The following LARP4B variants were observed in gnomAD, a reference collection of about 807,000 sequenced individuals.
LARP4B encodes la-related protein 4B.
Under a neutral mutation model 89.8 loss-of-function variants are expected in LARP4B, and 12 were observed. The observed-to-expected ratio is 0.13, with a 90% CI of 0.09 to 0.22. The LOEUF (loss-of-function observed/expected upper bound fraction) is 0.22. Among genes scored for constraint, LARP4B ranks in the 10% least tolerant of loss-of-function variants. The pLI is 1.00. For missense variants in LARP4B, 757 were observed against 947.7 expected, an observed-to-expected ratio of 0.80 and a Z score of 2.64; for synonymous variants, 367 against 363.3, an observed-to-expected ratio of 1.01 and a Z score of -0.12.
chr10:866,433 G>A (rs61197716), intron 3 of LARP4B, among the ~76,000 whole-genome samples: 4,747 of 152,298 alleles, frequency 0.031, 146 homozygotes, highest in African/African-American at 0.082. Context: ...ACGGCACTGA[G>A]CTGGCAGGTG....
intron 1 of LARP4B, among the ~76,000 whole-genome samples, chr10:926,062 T>G (rs1837125505): frequency 6.6e-6 from 1 of 152,246 alleles, no homozygotes; most frequent in East Asian, 1.9e-4. Flanking sequence ...CAGCAAACAA[T>G]TTCTCTGGAA....
chr10:817,623 G>A lies in LARP4B; in HGVS notation c.1695+102C>T, dbSNP rs1390717523. The A allele has an allele frequency of 2.0e-5, 23 of 1,158,166 alleles. No homozygotes were observed. The East Asian group carries it at 4.3e-4, about 22-fold the overall frequency. The allele number at this position is 1,158,166 out of a possible 1,614,324, so 71.7% of individuals were successfully genotyped here. A position where few individuals can be genotyped will look rare whatever the true frequency, so the allele number is the denominator to read the frequency against. On this transcript the variant is annotated intron_variant, in intron 15 of 17. Coordinates refer to ENST00000316157, the MANE Select transcript of LARP4B (RefSeq NM_015155.3). ...CACGTGGCCTCCAAGCCTCTCTTGA[G>A]TATTAAAAACAAACATGTATAAAGA... is the stretch of plus-strand genomic sequence containing the variant.
At chr10:905,723 G>A (rs1836473593) in intron 1 of LARP4B, among the ~76,000 whole-genome samples, 1 of 151,872 alleles carries the variant, frequency 6.6e-6, no homozygotes, top group African/African-American at 2.4e-5. Flanking sequence ...AGCAGGGAAG[G>A]AGGGCAGAAT....
intron 15 of LARP4B, among the ~76,000 whole-genome samples, chr10:816,436 A>C (rs763333233): frequency 1.3e-5 from 2 of 152,160 alleles, no homozygotes; most frequent in Admixed American, 6.5e-5. Flanking sequence ...AGCTCCCAAG[A>C]AGCAGCAATG....
intron 3 of LARP4B, among the ~76,000 whole-genome samples, chr10:877,533 G>A (rs1447862383): frequency 6.6e-6 from 1 of 152,200 alleles, no homozygotes; most frequent in African/African-American, 2.4e-5. Context: ...CAGATTGCCT[G>A]GGTTCAAATC....
Position 814,292 on chromosome 10 carries a change from G to A in LARP4B, c.1929+450C>T. 1 of 273,332 alleles carries A rather than the reference G, an allele frequency of 3.7e-6. No homozygotes were observed. The highest frequency in any genetic ancestry group is 1.2e-4 in the East Asian group (1 of 8,676). The allele number at this position is 273,332 out of a possible 1,614,324, so 16.9% of individuals were successfully genotyped here. ...CACAGTTCACCCAGTAGGGAAAACA[G>A]CAGAAAGGAAGTCGCTGGGGTTCAG... is the stretch of plus-strand genomic sequence containing the variant. On this transcript the variant is annotated intron_variant, in intron 17 of 17. Transcript: ENST00000316157. The surrounding 1 kb of genome is among the most constrained non-coding windows in gnomAD (Gnocchi z 4.4).
intron 3 of LARP4B, among the ~76,000 whole-genome samples, chr10:873,700 G>A (rs138781250): frequency 3.3e-5 from 5 of 152,090 alleles, no homozygotes; most frequent in Admixed American, 6.5e-5. Context: ...AATCAAAGGA[G>A]AGCAAAAAAA....
At chr10:981,532 G>T in the LARP4B span, among the ~76,000 whole-genome samples, 1 of 152,192 alleles carries the variant, frequency 6.6e-6, no homozygotes, top group East Asian at 1.9e-4. Flanking sequence ...ACTTTAAAGG[G>T]TGTTTAAAAC....
At chr10:833,253 A>T (rs1220458916) in intron 8 of LARP4B, among the ~76,000 whole-genome samples, 1 of 82,350 alleles carries the variant, frequency 1.2e-5, no homozygotes, top group African/African-American at 4.7e-5. Context: ...GAGCTTTAAA[A>T]AAAAAAAAAA....
downstream of LARP4B, chr10:807,958 C>T (rs1307003231): frequency 2.6e-5 from 4 of 152,254 alleles, no homozygotes; most frequent in Non-Finnish European, 4.4e-5. Context: ...CAGCAACACA[C>T]GTGGTCCTTC....
chr10:938,116 T>G, the LARP4B span, among the ~76,000 whole-genome samples: 1 of 152,130 alleles, frequency 6.6e-6, no homozygotes, highest in African/African-American at 2.4e-5. Context: ...ACTCCTGGAC[T>G]CAAGTGATCT....
chr10:896,812 C>T (rs1836202276), intron 1 of LARP4B, among the ~76,000 whole-genome samples: 1 of 152,198 alleles, frequency 6.6e-6, no homozygotes, highest in South Asian at 2.1e-4. Context: ...ACCCTTAAAA[C>T]CCAGTTCTCA....
rs1363013222 is a variant in LARP4B, at chr10:836,406, C to G, written c.747G>C (p.Val249=). Residue 249 remains valine (V), a synonymous_variant, in exon 8 of 18, where the codon GTG becomes GTC. Coordinates refer to ENST00000316157, the MANE Select transcript of LARP4B (RefSeq NM_015155.3). ...CTTCAGAGGAGAAATTACTTACTTC[C>G]ACGGGGGTAGATTCAGATATTTCAC... is the stretch of plus-strand genomic sequence containing the variant. ...ILREISESTP[V]EEVEALFKGD... 1 of 1,595,874 alleles carries G rather than the reference C, an allele frequency of 6.3e-7. No individual in the cohort carries two copies. Among genetic ancestry groups the G allele is most frequent in the South Asian group, 1.1e-5 (1 of 89,664 alleles).
chr10:815,175 A>C, intron 15 of LARP4B, 105 bp from the exon 16 acceptor site: 1 of 1,359,584 alleles, frequency 7.4e-7, no homozygotes, highest in South Asian at 1.6e-5. Context: ...AGAGCAGCAC[A>C]AGGACATAGG....
the LARP4B span, chr10:942,717 C>A: frequency 6.6e-6 from 1 of 152,230 alleles, no homozygotes; most frequent in East Asian, 1.9e-4. Flanking sequence ...ACAGGAAGAT[C>A]ATAATAAATA....
At chr10:835,239 T>C (rs1286152878) in intron 8 of LARP4B, among the ~76,000 whole-genome samples, 1 of 152,184 alleles carries the variant, frequency 6.6e-6, no homozygotes, top group Non-Finnish European at 1.5e-5. Context: ...ATAGAATTTC[T>C]TACGCTAGGC....
intron 5 of LARP4B, among the ~76,000 whole-genome samples, chr10:861,452 G>C (rs1834611722): frequency 6.6e-6 from 1 of 152,164 alleles, no homozygotes; most frequent in Non-Finnish European, 1.5e-5. Context: ...GAGGGAGTAG[G>C]TGGAGGCAGA....
chr10:945,415 G>GCA, the LARP4B span, among the ~76,000 whole-genome samples: 389 of 150,790 alleles, frequency 2.6e-3, 3 homozygotes, highest in African/African-American at 9.2e-3. Context: ...GTCCAGGCAT[G>GCA]GTGGCTCACA....
the LARP4B span, among the ~76,000 whole-genome samples, chr10:964,923 C>A: frequency 6.6e-6 from 1 of 152,196 alleles, no homozygotes; most frequent in Admixed American, 6.5e-5. Flanking sequence ...CCACCAGGAG[C>A]CCTGGGAGTG....
Sources: gnomAD v4.1 joint callset for allele counts (sites outside exome capture counted in the v4.1 genomes callset) on GRCh38, gnomAD v4.1.1 for gene constraint, Gnocchi (gnomAD v3.1) non-coding constraint, MANE v1.5 for transcripts, NCBI Gene and HGNC (gene_info 2026-07-23, HGNC 2026-07-21) for gene names.